The following ELK4 variants were observed in gnomAD, a reference collection of about 807,000 sequenced individuals.
The protein encoded by ELK4 is ETS domain-containing protein Elk-4.
ELK4 carries 16 observed loss-of-function variants against 29.6 expected under a neutral mutation model. That is an observed-to-expected ratio of 0.54 (90% CI 0.37 to 0.82). ELK4 has a LOEUF of 0.82. Among genes scored for constraint, ELK4 ranks in the 40% least tolerant of loss-of-function variants. The pLI is 0.00. For synonymous variants in ELK4, 213 were observed against 191.1 expected (o/e 1.11, Z -0.95); for missense variants, 465 against 507.1 (o/e 0.92, Z 0.80).
chr1:205,619,059 C>A lies in ELK4; in HGVS notation c.1095G>T (p.Leu365=). 1.3e-6 allele frequency: 2 copies of A among 1,598,252 alleles called. No homozygotes were observed. The highest frequency in any genetic ancestry group is 1.1e-5 in the South Asian group (1 of 87,880). Residue 365 remains leucine, a synonymous_variant, in exon 4 of 5, where the codon CTG becomes CTT. Coordinates refer to ENST00000357992, the MANE Select transcript of ELK4 (RefSeq NM_001973.4). ...TACTGGAGAGCAAGGGGCTTGGAGT[C>A]AGTATGATGGGTGTCTGCAATACAC... is the stretch of plus-strand genomic sequence containing the variant. ...PAFFSQTPII[L]TPSPLLSSIH... is the part of the protein sequence containing the mutation.
At position 205,631,879 on chromosome 1, in the gene ELK4, G is replaced by T. The variant is rs1670600583; in HGVS notation, c.-257C>A. On this transcript the variant is annotated 5_prime_UTR_variant, in exon 1 of 5. Transcript: ENST00000357992. ...CCCCCGCACGCGGCAGCGGCGGCGC[G>T]GGTCTTGGGGCCGCTACACGCCGGG... The T allele has an allele frequency of 6.7e-6, 1 of 148,910 alleles. No individual in the cohort carries two copies. Among genetic ancestry groups the T allele is most frequent in the Admixed American group, 6.7e-5 (1 of 14,978 alleles). 9.2% of individuals were successfully genotyped at this position (148,910 alleles called of 1,614,324 possible).
intron 1 of ELK4, among the ~76,000 whole-genome samples, chr1:205,628,072 T>C (rs1670501792): frequency 6.6e-6 from 1 of 152,232 alleles, no homozygotes. Context: ...CATTACATAT[T>C]AGATACCGAT....
intron 1 of ELK4, chr1:205,626,043 A>G: frequency 7.1e-7 from 1 of 1,413,222 alleles, no homozygotes; most frequent in Admixed American, 1.7e-5. Context: ...TTTCTTTGTC[A>G]ACAATGTCAT....
chr1:205,631,668 T>A lies in ELK4; in HGVS notation c.-46A>T. 1 of 344,400 alleles carries A rather than the reference T, an allele frequency of 2.9e-6. No homozygotes were observed. The highest frequency in any genetic ancestry group is 6.0e-6 in the Non-Finnish European group (1 of 167,536). 21.3% of individuals were successfully genotyped at this position (344,400 alleles called of 1,614,324 possible). A position where few individuals can be genotyped will look rare whatever the true frequency, so the allele number is the denominator to read the frequency against. On this transcript the variant is annotated 5_prime_UTR_variant, in exon 1 of 5. Transcript: ENST00000357992. The stretch of plus-strand genomic sequence containing the variant: ...GCGGGGCTCCCCCTCGGTCTCCGCC[T>A]CGAACACGATGCGCCTCTCCGCCCT...
chr1:205,630,607 T>TA lies in ELK4; in HGVS notation c.-10+1024dup, dbSNP rs1670561309. Among the ~76,000 whole-genome samples, 4 of 152,214 alleles carry TA rather than the reference T, an allele frequency of 2.6e-5. No homozygotes were observed. The South Asian group carries it at 8.3e-4, about 32-fold the overall frequency. On this transcript the variant is annotated intron_variant, in intron 1 of 4. Coordinates refer to ENST00000357992, the MANE Select transcript of ELK4 (RefSeq NM_001973.4). ...TGACGTTTTTAACTACACAGGCTCC[T>TA]AAAAAATACTCTTTGTATAGGATCC...
chr1:205,621,771 G>A (rs933594132), intron 2 of ELK4, among the ~76,000 whole-genome samples: 4 of 151,154 alleles, frequency 2.6e-5, no homozygotes, highest in Non-Finnish European at 5.9e-5. Context: ...CACCCACCCC[G>A]GCCTCCCAAA....
At chr1:205,627,153 G>C (rs957019469) in intron 1 of ELK4, among the ~76,000 whole-genome samples, 1 of 152,170 alleles carries the variant, frequency 6.6e-6, no homozygotes, top group Non-Finnish European at 1.5e-5. Context: ...GCTAAAATGC[G>C]GGGAAGAGAA....
At position 205,631,970 on chromosome 1, in the gene ELK4, C is replaced by T. The variant is rs549492564; in HGVS notation, c.-348G>A. On this transcript the variant is annotated 5_prime_UTR_variant, in exon 1 of 5. Transcript: ENST00000357992. ...CAGGCCCTCCGCGGCCGCCGCCACT[C>T]TCAAACCCCCCGACTGCTCCTGGGT... 220 of 151,778 alleles carry T rather than the reference C, an allele frequency of 1.4e-3. No homozygotes were observed. Among genetic ancestry groups the T allele is most frequent in the African/African-American group, 5.0e-3 (208 of 41,478 alleles). The allele number at this position is 151,778 out of a possible 1,614,324, so 9.4% of individuals were successfully genotyped here. A position where few individuals can be genotyped will look rare whatever the true frequency, so the allele number is the denominator to read the frequency against.
chr1:205,620,852 A>G lies in ELK4; in HGVS notation c.208-14T>C, dbSNP rs1248050023. On this transcript the variant is annotated splice_polypyrimidine_tract_variant and intron_variant, in intron 2 of 4. Coordinates refer to ENST00000357992, the MANE Select transcript of ELK4 (RefSeq NM_001973.4). Reference sequence around the variant, plus strand: ...TTTGATGATATTCTGTAGGTTAAAAAAAAAAGCATTTTTATCCTTTCTTAT... The same window carrying G: ...TTTGATGATATTCTGTAGGTTAAAAGAAAAAGCATTTTTATCCTTTCTTAT... The G allele has an allele frequency of 6.3e-7, 1 of 1,581,430 alleles. No homozygotes were observed. Among genetic ancestry groups the G allele is most frequent in the South Asian group, 1.2e-5 (1 of 86,772 alleles).
intron 1 of ELK4, among the ~76,000 whole-genome samples, chr1:205,627,899 T>C (rs116597867): frequency 0.013 from 1,904 of 152,212 alleles, 41 homozygotes; most frequent in African/African-American, 0.043. Context: ...GGGAAAATAA[T>C]AAAGGATAGA....
chr1:205,620,368 C>T lies in ELK4; in HGVS notation c.678G>A (p.Glu226=), dbSNP rs764995108. 1.9e-6 allele frequency: 3 copies of T among 1,614,038 alleles called. No homozygotes were observed. The highest frequency in any genetic ancestry group is 2.5e-6 in the Non-Finnish European group (3 of 1,180,042). The change falls in exon 3 of 5, where the codon GAG becomes GAA. Residue 226 remains glutamate (E), a synonymous_variant. Coordinates refer to ENST00000357992, the MANE Select transcript of ELK4 (RefSeq NM_001973.4). Reference sequence around the variant, plus strand: ...AAGGCAGTTTTGGGGAAACCAATGTCTCCAAAGCTTGGATAGTTTCTTCTG... The same window carrying T: ...AAGGCAGTTTTGGGGAAACCAATGTTTCCAAAGCTTGGATAGTTTCTTCTG... ...PSSEETIQAL[E]TLVSPKLPSL...
chr1:205,619,163 T>C (rs1036831553), intron 3 of ELK4, 90 bp from the exon 4 acceptor site: 4 of 1,235,380 alleles, frequency 3.2e-6, no homozygotes, highest in South Asian at 2.1e-5. Flanking sequence ...AACCTAAATA[T>C]TGCCCTATCC....
Position 205,625,861 on chromosome 1 carries a change from T to C in ELK4, c.-9-1970A>G. Reference sequence around the variant, plus strand: ...GCCCAGCTAATTTTTGTATTTTTAGTAGAGGTGGGGTTTCACCATGTTGGT... The same window carrying C: ...GCCCAGCTAATTTTTGTATTTTTAGCAGAGGTGGGGTTTCACCATGTTGGT... On this transcript the variant is annotated intron_variant, in intron 1 of 4. Coordinates refer to ENST00000357992, the MANE Select transcript of ELK4 (RefSeq NM_001973.4). The C allele has an allele frequency of 4.8e-6, 3 of 626,914 alleles. No individual in the cohort carries two copies. The South Asian group carries it at 5.0e-5, about 10-fold the overall frequency. 38.8% of individuals were successfully genotyped at this position (626,914 alleles called of 1,614,324 possible).
In ELK4 at chr1:205,613,025, T is replaced by C. The variant is rs1484694365; in HGVS notation, c.*3521A>G. The C allele has an allele frequency of 4.9e-6, 1 of 203,440 alleles. No individual in the cohort carries two copies. Among genetic ancestry groups the C allele is most frequent in the Non-Finnish European group, 1.0e-5 (1 of 99,302 alleles). 12.6% of individuals were successfully genotyped at this position (203,440 alleles called of 1,614,324 possible). The stretch of plus-strand genomic sequence containing the variant: ...TTCAAGGGCCTCTAATTCTTTTTTT[T>C]TTTTCCTGACCGTACTCCTCAAAAT... On this transcript the variant is annotated 3_prime_UTR_variant, in exon 5 of 5. Transcript: ENST00000357992.
intron 3 of ELK4, 163 bp from the exon 4 acceptor site, chr1:205,619,236 A>C (rs1670286087): frequency 9.0e-7 from 1 of 1,106,102 alleles, no homozygotes; most frequent in African/African-American, 1.6e-5. Flanking sequence ...TTATTTTTAC[A>C]AACTAAGAGG....
Position 205,611,988 on chromosome 1 carries a change from T to G in ELK4, c.*4558A>C. 5.3e-6 allele frequency: 1 copy of G among 187,256 alleles called. No individual in the cohort carries two copies. The highest frequency in any genetic ancestry group is 1.1e-5 in the Non-Finnish European group (1 of 88,694). The allele number at this position is 187,256 out of a possible 1,614,324, so 11.6% of individuals were successfully genotyped here. A position where few individuals can be genotyped will look rare whatever the true frequency, so the allele number is the denominator to read the frequency against. The stretch of plus-strand genomic sequence containing the variant: ...GTTATATATTTTAACATAAAGCAAC[T>G]TGAAATAATTCTAAATTTGTTGGTA... On this transcript the variant is annotated 3_prime_UTR_variant, in exon 5 of 5. Coordinates refer to ENST00000357992, the MANE Select transcript of ELK4 (RefSeq NM_001973.4).
At position 205,620,515 on chromosome 1, in the gene ELK4, C is replaced by T; in HGVS notation, c.531G>A (p.Glu177=). The stretch of plus-strand genomic sequence containing the variant: ...GTGTGGGCTCCTGAGGAGATTTTTT[C>T]TCTGCCAGTTTCTCGGCTGGATTCT... ...KTENPAEKLA[E]KKSPQEPTPS... is the part of the protein sequence containing the mutation. The change falls in exon 3 of 5, where the codon GAG becomes GAA. Residue 177 remains glutamate, a synonymous_variant. Coordinates refer to ENST00000357992, the MANE Select transcript of ELK4 (RefSeq NM_001973.4). 1 of 1,614,134 alleles carries T rather than the reference C, an allele frequency of 6.2e-7. No homozygotes were observed. The highest frequency in any genetic ancestry group is 8.5e-7 in the Non-Finnish European group (1 of 1,180,026).
In ELK4 at chr1:205,612,599, T is replaced by C. The variant is rs192401428; in HGVS notation, c.*3947A>G. 5.6e-5 allele frequency: 12 copies of C among 212,454 alleles called. No individual in the cohort carries two copies. The East Asian group carries it at 7.8e-4, about 14-fold the overall frequency. 13.2% of individuals were successfully genotyped at this position (212,454 alleles called of 1,614,324 possible). A position where few individuals can be genotyped will look rare whatever the true frequency, so the allele number is the denominator to read the frequency against. ...TTTCTGAACCACTGCTTCAGAGGTA[T>C]TGAGAAGTGGTACTGAGTGGCTCTA... On this transcript the variant is annotated 3_prime_UTR_variant, in exon 5 of 5. Transcript: ENST00000357992.
intron 1 of ELK4, chr1:205,625,361 C>A (rs1488934168): frequency 7.9e-6 from 3 of 377,960 alleles, no homozygotes; most frequent in Non-Finnish European, 1.5e-5. Context: ...AGCCAATAAA[C>A]ACACGAAAAA....
Sources: allele counts gnomAD v4.1 joint callset (sites outside exome capture counted in the v4.1 genomes callset), GRCh38; gene constraint gnomAD v4.1.1; transcripts MANE v1.5; gene names NCBI Gene and HGNC (gene_info 2026-07-23, HGNC 2026-07-21).